Variants in ZFHX3 observed in about 807,000 individuals in gnomAD.
ZFHX3 encodes the protein zinc finger homeobox protein 3.
ZFHX3 carries 42 observed loss-of-function variants against 279.1 expected under a neutral mutation model. The observed-to-expected ratio is 0.15, with a 90% confidence interval of 0.12 to 0.19. ZFHX3 has a LOEUF of 0.19. Among genes scored for constraint, ZFHX3 ranks in the 10% least tolerant of loss-of-function variants. The pLI, the probability that ZFHX3 is intolerant of heterozygous loss-of-function variation, is 1.00. For synonymous variants in ZFHX3, 2,293 were observed against 1,957.8 expected (o/e 1.17, Z -4.52); for missense variants, 4,981 against 4,754.0 (o/e 1.05, Z -1.40).
At chr16:73,765,618 C>A (rs2053925476) in intron 1 of ZFHX3, among the ~76,000 whole-genome samples, 1 of 152,158 alleles carries the variant, frequency 6.6e-6, no homozygotes, top group Non-Finnish European at 1.5e-5. Context: ...TCAGTAGTGA[C>A]CAGAGTCATT....
intron 3 of ZFHX3, among the ~76,000 whole-genome samples, chr16:73,343,358 G>A (rs1254457654): frequency 6.6e-6 from 1 of 152,126 alleles, no homozygotes; most frequent in African/African-American, 2.4e-5. Flanking sequence ...TTGGAGAGAT[G>A]GCTGAATTCC....
At chr16:73,235,262 G>T (rs2012907562) in intron 5 of ZFHX3, among the ~76,000 whole-genome samples, 1 of 152,030 alleles carries the variant, frequency 6.6e-6, no homozygotes, top group African/African-American at 2.4e-5. Context: ...GTAGAGGCAG[G>T]GTTTCCCTGT....
intron 4 of ZFHX3, among the ~76,000 whole-genome samples, chr16:72,878,751 A>G (rs1234429979): frequency 6.6e-6 from 1 of 152,154 alleles, no homozygotes; most frequent in Non-Finnish European, 1.5e-5. Flanking sequence ...CGCAGTGGGA[A>G]GAGCACAGCC....
chr16:73,189,838 A>G (rs533537280), intron 5 of ZFHX3, among the ~76,000 whole-genome samples: 6 of 152,320 alleles, frequency 3.9e-5, no homozygotes, highest in Admixed American at 6.5e-5. Flanking sequence ...TCATGCCTGT[A>G]ATCCTAGTGC....
intron 5 of ZFHX3, among the ~76,000 whole-genome samples, chr16:73,219,199 G>A (rs1009448203): frequency 2.6e-5 from 4 of 152,164 alleles, no homozygotes; most frequent in Admixed American, 2.0e-4. Context: ...TTCTGTCAAT[G>A]GACATTTAGG....
At chr16:73,214,445 A>T (rs1451251971) in intron 5 of ZFHX3, among the ~76,000 whole-genome samples, 1 of 152,182 alleles carries the variant, frequency 6.6e-6, no homozygotes. Context: ...AAAAGGAGGA[A>T]GATTCCAAAA....
At chr16:73,020,154 G>C (rs188595915) in intron 1 of ZFHX3, among the ~76,000 whole-genome samples, 2 of 152,190 alleles carry the variant, frequency 1.3e-5, no homozygotes, top group African/African-American at 2.4e-5. Flanking sequence ...AGGACAAGAG[G>C]CACCAGCAAG....
At chr16:73,546,883 G>T (rs754013295) in intron 2 of ZFHX3, among the ~76,000 whole-genome samples, 1 of 152,140 alleles carries the variant, frequency 6.6e-6, no homozygotes, top group East Asian at 1.9e-4. Context: ...TATTTGTTCA[G>T]AGTCACGGCC....
chr16:73,082,828 A>C, intron 8 of ZFHX3, among the ~76,000 whole-genome samples: 1 of 152,144 alleles, frequency 6.6e-6, no homozygotes, highest in Non-Finnish European at 1.5e-5. Flanking sequence ...GAAACATCAC[A>C]ACATTACTGG....
At chr16:73,068,610 TG>T in intron 8 of ZFHX3, among the ~76,000 whole-genome samples, 1 of 152,246 alleles carries the variant, frequency 6.6e-6, no homozygotes, top group Non-Finnish European at 1.5e-5. Flanking sequence ...CAGGCCTTTT[TG>T]TTTTTCTTTG....
At position 73,667,861 on chromosome 16, in the gene ZFHX3, C is replaced by G. The variant is rs2052861186; in HGVS notation, c.-1547+12319G>C. Among the ~76,000 whole-genome samples, 4 of 152,208 alleles carry G rather than the reference C, an allele frequency of 2.6e-5. No homozygotes were observed. The South Asian group carries it at 8.3e-4, about 32-fold the overall frequency. Reference sequence around the variant, plus strand: ...ACTTGCACCATCTCATCTTCCCTCACTTCCACTTCCCTTGTCCAAATCGCA... The same window carrying G: ...ACTTGCACCATCTCATCTTCCCTCAGTTCCACTTCCCTTGTCCAAATCGCA... On this transcript the variant is annotated intron_variant, in intron 2 of 17. Transcript: ENST00000641206.
At chr16:72,946,350 A>G (rs766413441) in intron 3 of ZFHX3, among the ~76,000 whole-genome samples, 9 of 152,220 alleles carry the variant, frequency 5.9e-5, no homozygotes, top group Non-Finnish European at 1.0e-4. Flanking sequence ...CTCCTTGTAC[A>G]GTATTTAAGA....
At chr16:73,515,346 T>C (rs9931697) in intron 2 of ZFHX3, among the ~76,000 whole-genome samples, 3,111 of 152,072 alleles carry the variant, frequency 0.02, 104 homozygotes, top group African/African-American at 0.071. Flanking sequence ...GTCAAATATG[T>C]AAAGGGATCC....
chr16:73,240,486 T>C (rs947376052), intron 5 of ZFHX3, among the ~76,000 whole-genome samples: 5 of 152,204 alleles, frequency 3.3e-5, no homozygotes, highest in Middle Eastern at 3.2e-3. Context: ...CTCAAAGTCC[T>C]GGGATTACAG....
intron 5 of ZFHX3, among the ~76,000 whole-genome samples, chr16:73,240,403 G>C (rs2013085388): frequency 6.6e-6 from 1 of 151,950 alleles, no homozygotes; most frequent in Non-Finnish European, 1.5e-5. Context: ...ATTTTTAGTA[G>C]AGACAGGGTT....
intron 4 of ZFHX3, among the ~76,000 whole-genome samples, chr16:73,279,016 T>C (rs1194643630): frequency 1.3e-5 from 2 of 152,278 alleles, no homozygotes; most frequent in Non-Finnish European, 2.9e-5. Flanking sequence ...GGCATCCCCA[T>C]ACTTCTCAGT....
At chr16:73,053,785 C>T (rs1312318411) in intron 1 of ZFHX3, among the ~76,000 whole-genome samples, 1 of 152,104 alleles carries the variant, frequency 6.6e-6, no homozygotes, top group Non-Finnish European at 1.5e-5. Context: ...AGCTGAAAGG[C>T]AAGGCGGGGG....
chr16:73,305,906 CCA>C (rs2015170223), intron 4 of ZFHX3, among the ~76,000 whole-genome samples: 1 of 152,146 alleles, frequency 6.6e-6, no homozygotes, highest in African/African-American at 2.4e-5. Flanking sequence ...GCATGGAGAG[CCA>C]CACAGTCACA....
intron 4 of ZFHX3, among the ~76,000 whole-genome samples, chr16:72,883,937 A>G (rs967519887): frequency 5.3e-5 from 8 of 152,342 alleles, no homozygotes; most frequent in East Asian, 1.9e-4. Context: ...TATAAAAACA[A>G]TATTTCAGAA....
Sources: allele counts gnomAD v4.1 joint callset (sites outside exome capture counted in the v4.1 genomes callset), GRCh38; gene constraint gnomAD v4.1.1; transcripts MANE v1.5; gene names NCBI Gene and HGNC (gene_info 2026-07-23, HGNC 2026-07-21).